Variants in VAV2 observed in about 807,000 individuals in gnomAD.
VAV2 encodes the protein guanine nucleotide exchange factor VAV2.
A neutral mutation model predicts 132.5 loss-of-function variants in VAV2; 67 were observed. The ratio of observed to expected loss-of-function variants is 0.51; its 90% CI spans 0.42 to 0.62. VAV2 has a LOEUF of 0.62. Among genes scored for constraint, VAV2 ranks in the 20% least tolerant of loss-of-function variants. The pLI is 0.00. For synonymous variants in VAV2, 492 were observed against 443.5 expected (o/e 1.11, Z -1.37); for missense variants, 938 against 1,153.6 (o/e 0.81, Z 2.71).
At chr9:133,902,842 C>T (rs1839496099) in intron 2 of VAV2, among the ~76,000 whole-genome samples, 1 of 152,086 alleles carries the variant, frequency 6.6e-6, no homozygotes, top group Admixed American at 6.6e-5. Context: ...GAGGCCAAGA[C>T]AGGTGGATGG....
intron 2 of VAV2, among the ~76,000 whole-genome samples, chr9:133,933,723 ATGGATGG>A (rs1262259497): frequency 0.037 from 2,605 of 70,128 alleles, 80 homozygotes; most frequent in African/African-American, 0.096. Flanking sequence ...GGGTGGATGG[ATGGATGG>A]TGGATGAATG....
intron 2 of VAV2, among the ~76,000 whole-genome samples, chr9:133,910,472 C>A (rs1457771089): frequency 6.6e-6 from 1 of 151,954 alleles, no homozygotes; most frequent in Non-Finnish European, 1.5e-5. Context: ...AGATGAGGTG[C>A]CAAGGTTCAG....
chr9:133,915,769 A>G (rs1270945584), intron 2 of VAV2, among the ~76,000 whole-genome samples: 1 of 144,310 alleles, frequency 6.9e-6, no homozygotes, highest in Non-Finnish European at 1.5e-5. Context: ...ACATACACAC[A>G]ATGCACACAC....
Position 133,834,696 on chromosome 9 carries a change from G to T in VAV2, c.381-356C>A, listed in dbSNP as rs1836395578. On this transcript the variant is annotated intron_variant, in intron 3 of 29. Coordinates refer to ENST00000371850, the MANE Select transcript of VAV2 (RefSeq NM_001134398.2). The surrounding 1 kb of genome is among the most constrained non-coding windows in gnomAD (Gnocchi z 5.9). ...CTTTACCCACCCTCCCACTTCCAGG[G>T]GGTTCACAGTGGAGATGAGGCTCCT... Among the ~76,000 whole-genome samples, 1 of 152,240 alleles carries T rather than the reference G, an allele frequency of 6.6e-6. No homozygotes were observed. The highest frequency in any genetic ancestry group is 2.4e-5 in the African/African-American group (1 of 41,468).
intron 19 of VAV2, among the ~76,000 whole-genome samples, chr9:133,781,648 T>C (rs56129162): frequency 0.038 from 5,737 of 152,178 alleles, 299 homozygotes; most frequent in African/African-American, 0.11. Flanking sequence ...AAGGCTACAA[T>C]GGTCAAAGGA....
At chr9:133,859,979 CT>C (rs1224481741) in intron 3 of VAV2, among the ~76,000 whole-genome samples, 2 of 152,230 alleles carry the variant, frequency 1.3e-5, no homozygotes, top group East Asian at 1.9e-4. Context: ...TCTAAATATT[CT>C]TTTGTATGTG....
chr9:133,892,822 C>T (rs1017074495), intron 2 of VAV2, among the ~76,000 whole-genome samples: 2 of 152,160 alleles, frequency 1.3e-5, no homozygotes, highest in Non-Finnish European at 2.9e-5. Flanking sequence ...ACGAGAAAAG[C>T]GGACCTGGCC....
At chr9:133,922,375 C>T (rs1231538835) in intron 2 of VAV2, among the ~76,000 whole-genome samples, 1 of 152,212 alleles carries the variant, frequency 6.6e-6, no homozygotes, top group African/African-American at 2.4e-5. Context: ...CAGAGTGGGG[C>T]AATTTAAATG....
At position 133,827,307 on chromosome 9, in the gene VAV2, C is replaced by T. The variant is rs1836046266; in HGVS notation, c.449+6965G>A. Among the ~76,000 whole-genome samples the T allele has an allele frequency of 3.4e-4, 4 of 11,814 alleles. 2 individuals carry two copies. The South Asian group carries it at 0.015, about 45-fold the overall frequency. 7.8% of individuals were successfully genotyped at this position (11,814 alleles called of 152,430 possible). On this transcript the variant is annotated intron_variant, in intron 4 of 29. Transcript: ENST00000371850. Reference sequence around the variant, plus strand: ...GAGGCTGACCACTGAGTGGGGGCATCGCCAGCTACTGCTGTGCCCACTGGG... The same window carrying T: ...GAGGCTGACCACTGAGTGGGGGCATTGCCAGCTACTGCTGTGCCCACTGGG...
intron 3 of VAV2, among the ~76,000 whole-genome samples, chr9:133,835,982 C>A (rs377451880): frequency 9.2e-5 from 14 of 152,334 alleles, no homozygotes; most frequent in African/African-American, 2.6e-4. Context: ...CCACCCATCA[C>A]CATACAGCAG....
intron 3 of VAV2, among the ~76,000 whole-genome samples, chr9:133,854,374 C>A (rs1167841848): frequency 6.6e-6 from 1 of 152,254 alleles, no homozygotes; most frequent in Non-Finnish European, 1.5e-5. Flanking sequence ...CACCATCTAA[C>A]ACAGTTTGTT....
rs981097015 is a variant in VAV2 at position 133,863,391 on chromosome 9, A to C, written c.322-1959T>G. Among the ~76,000 whole-genome samples, 1 of 152,158 alleles carries C rather than the reference A, an allele frequency of 6.6e-6. No homozygotes were observed. Among genetic ancestry groups the C allele is most frequent in the Non-Finnish European group, 1.5e-5 (1 of 68,024 alleles). On this transcript the variant is annotated intron_variant, in intron 2 of 29. Transcript: ENST00000371850. This position sits in a 1 kb window ranked among gnomAD's most constrained non-coding sequence, Gnocchi z 5.0. ...CACAAGAACCTGTTTGTCAACCTGG[A>C]GTCAGCGCAAAGGCCCCAGGTCGGG...
At chr9:133,910,422 G>A (rs547022301) in intron 2 of VAV2, among the ~76,000 whole-genome samples, 29 of 152,236 alleles carry the variant, frequency 1.9e-4, no homozygotes, top group East Asian at 1.2e-3. Context: ...GGCACCGTGC[G>A]GTGGGCTCTC....
intron 15 of VAV2, among the ~76,000 whole-genome samples, chr9:133,787,761 C>T (rs561123904): frequency 6.6e-6 from 1 of 152,268 alleles, no homozygotes; most frequent in African/African-American, 2.4e-5. Context: ...GTCCCTGTAG[C>T]CCTGGCCCCA....
At chr9:133,924,371 G>C (rs1840398767) in intron 2 of VAV2, among the ~76,000 whole-genome samples, 1 of 152,112 alleles carries the variant, frequency 6.6e-6, no homozygotes, top group South Asian at 2.1e-4. Flanking sequence ...ATTTTTAGTA[G>C]AGATGGGGTT....
chr9:133,797,555 G>A (rs1359753015), intron 10 of VAV2, among the ~76,000 whole-genome samples, 155 bp downstream of exon 10: 1 of 152,148 alleles, frequency 6.6e-6, no homozygotes, highest in East Asian at 1.9e-4. Context: ...CCAACACAAT[G>A]CAAAAAAGAA....
At chr9:133,764,508 A>G (rs1346381318) in intron 29 of VAV2, among the ~76,000 whole-genome samples, 1 of 152,232 alleles carries the variant, frequency 6.6e-6, no homozygotes, top group Non-Finnish European at 1.5e-5. Flanking sequence ...GTCAGGGGAG[A>G]TTAATAACTC....
chr9:133,803,925 C>G (rs141567961), intron 9 of VAV2, among the ~76,000 whole-genome samples: 11 of 152,190 alleles, frequency 7.2e-5, no homozygotes, highest in African/African-American at 2.7e-4. Flanking sequence ...CAACCCGCCT[C>G]GCCCCACCCC....
At chr9:133,838,960 G>A (rs1482163027) in intron 3 of VAV2, among the ~76,000 whole-genome samples, 2 of 130,168 alleles carry the variant, frequency 1.5e-5, no homozygotes, top group Non-Finnish European at 3.3e-5. Flanking sequence ...GGGTGGGTAG[G>A]TGGGTGGGTG....
Sources: allele counts gnomAD v4.1 joint callset (sites outside exome capture counted in the v4.1 genomes callset), GRCh38; gene constraint gnomAD v4.1.1; non-coding constraint Gnocchi (gnomAD v3.1); transcripts MANE v1.5; gene names NCBI Gene and HGNC (gene_info 2026-07-23, HGNC 2026-07-21).